MACROH2A2: variants seen among roughly 807,000 people sequenced by gnomAD.
MACROH2A2 encodes macroH2A.2 histone, also known as core histone macro-H2A.2.
A neutral mutation model predicts 37.6 loss-of-function variants in MACROH2A2; 6 were observed. The ratio of observed to expected loss-of-function variants is 0.16; its 90% CI spans 0.09 to 0.32. MACROH2A2 has a LOEUF of 0.32. Ranked by LOEUF, MACROH2A2 falls within the 10% of genes least tolerant of loss-of-function variation. MACROH2A2 has a pLI of 1.00. For synonymous variants in MACROH2A2, 192 were observed against 202.7 expected, an observed-to-expected ratio of 0.95 and a Z score of 0.45; for missense variants, 290 against 485.9, an observed-to-expected ratio of 0.60 and a Z score of 3.79.
In MACROH2A2 at chr10:70,107,333, C is replaced by A. The variant is rs1205654959; in HGVS notation, c.779-1700C>A. 6.6e-6 allele frequency among the ~76,000 whole-genome samples: 1 copy of A among 152,208 alleles called. No homozygotes were observed. The highest frequency in any genetic ancestry group is 1.9e-4 in the East Asian group (1 of 5,192). ...GAAATACTTATATAAACTAGGTGGG[C>A]ATCATAGATTTCCAGTCAGTCTTTC... On this transcript the variant is annotated intron_variant, in intron 7 of 8. Coordinates refer to ENST00000373255, the MANE Select transcript of MACROH2A2 (RefSeq NM_018649.3). This position sits in a 1 kb window ranked among gnomAD's most constrained non-coding sequence, Gnocchi z 4.4.
chr10:70,091,915 G>A lies in MACROH2A2; in HGVS notation c.438G>A (p.Gly146=). 5 of 1,613,950 alleles carry A rather than the reference G, an allele frequency of 3.1e-6. No individual in the cohort carries two copies. Among genetic ancestry groups the A allele is most frequent in the Non-Finnish European group, 4.2e-6 (5 of 1,180,006 alleles). The change falls in exon 4 of 9, where the codon GGG becomes GGA. Residue 146 remains glycine (G), a synonymous_variant. Coordinates refer to ENST00000373255, the MANE Select transcript of MACROH2A2 (RefSeq NM_018649.3). ...GRKATSGKKG[G]KKSKAAKPRT... Reference sequence around the variant, plus strand: ...AGGCCACGTCAGGCAAGAAGGGGGGGAAGAAATCCAAGGCTGCCAAACCAC... The same window carrying A: ...AGGCCACGTCAGGCAAGAAGGGGGGAAAGAAATCCAAGGCTGCCAAACCAC...
Position 70,091,908 on chromosome 10 carries a change from A to G in MACROH2A2, c.431A>G (p.Lys144Arg). ...GGCAGGAAGGCCACGTCAGGCAAGA[A>G]GGGGGGGAAGAAATCCAAGGCTGCC... is the stretch of plus-strand genomic sequence containing the variant. ...KRGRKATSGKKGGKKSKAAKP... is the reference protein window; with the variant it reads ...KRGRKATSGKRGGKKSKAAKP... The change falls in exon 4 of 9, where the codon AAG becomes AGG. Residue 144 changes from lysine to arginine, a missense_variant. Around this residue, in one of 3 missense-constraint regions of MACROH2A2, gnomAD observed 77 missense variants for 68.9 expected, o/e 1.12. Transcript: ENST00000373255. 1 of 1,613,918 alleles carries G rather than the reference A, an allele frequency of 6.2e-7. No homozygotes were observed.
rs1339444262 is a variant in MACROH2A2 at position 70,076,814 on chromosome 10, G to A, written c.172+984G>A. 5.3e-5 allele frequency among the ~76,000 whole-genome samples: 8 copies of A among 152,202 alleles called. No homozygotes were observed. In the East Asian group the frequency reaches 1.4e-3, roughly 26 times the overall value. ...TGTGGCAGGGCTGGTCCTCTCTTCT[G>A]TCCCCAGATTCCTCTTTTCTGCTGG... On this transcript the variant is annotated intron_variant, in intron 2 of 8. Coordinates refer to ENST00000373255, the MANE Select transcript of MACROH2A2 (RefSeq NM_018649.3).
At chr10:70,059,376 CTT>C (rs34193972) in intron 1 of MACROH2A2, among the ~76,000 whole-genome samples, 47 of 143,272 alleles carry the variant, frequency 3.3e-4, no homozygotes, top group Non-Finnish European at 4.1e-4. Flanking sequence ...AGTATAATTT[CTT>C]TTTTTTTTTT....
intron 7 of MACROH2A2, among the ~76,000 whole-genome samples, chr10:70,106,755 A>C (rs922238750): frequency 3.4e-5 from 5 of 147,684 alleles, no homozygotes; most frequent in African/African-American, 1.3e-4. Flanking sequence ...GTGAGCTGTG[A>C]TCGAGCCACT....
intron 2 of MACROH2A2, among the ~76,000 whole-genome samples, chr10:70,084,565 C>G (rs1215268623): frequency 6.6e-6 from 1 of 152,168 alleles, no homozygotes; most frequent in East Asian, 1.9e-4. Flanking sequence ...AAGACTCCGT[C>G]TCTAAATATA....
chr10:70,085,799 T>C (rs144792331), intron 2 of MACROH2A2, among the ~76,000 whole-genome samples: 2 of 152,312 alleles, frequency 1.3e-5, no homozygotes, highest in East Asian at 1.9e-4. Flanking sequence ...ACATTTGCAG[T>C]AGAGTAAATT....
chr10:70,057,719 C>T (rs1156455479), intron 1 of MACROH2A2, among the ~76,000 whole-genome samples: 2 of 152,150 alleles, frequency 1.3e-5, no homozygotes, highest in Non-Finnish European at 2.9e-5. Flanking sequence ...TGTCAGACTG[C>T]ATTTCATGAA....
At chr10:70,109,373 G>A (rs551772763) in intron 8 of MACROH2A2, among the ~76,000 whole-genome samples, 166 bp downstream of exon 8, 6 of 152,352 alleles carry the variant, frequency 3.9e-5, no homozygotes, top group Middle Eastern at 3.4e-3. Context: ...AGAAACCATG[G>A]GGAAGCGAGC....
At chr10:70,059,852 G>A (rs566042282) in intron 1 of MACROH2A2, among the ~76,000 whole-genome samples, 1 of 152,122 alleles carries the variant, frequency 6.6e-6, no homozygotes, top group Non-Finnish European at 1.5e-5. Flanking sequence ...GGATGGTGTG[G>A]TGTGGCCAGT....
At chr10:70,082,542 C>T (rs2072185797) in intron 2 of MACROH2A2, among the ~76,000 whole-genome samples, 1 of 152,156 alleles carries the variant, frequency 6.6e-6, no homozygotes. Flanking sequence ...AACCAAGTGT[C>T]GATCAACAGA....
intron 2 of MACROH2A2, among the ~76,000 whole-genome samples, chr10:70,078,302 T>C (rs2072152993): frequency 6.6e-6 from 1 of 152,210 alleles, no homozygotes; most frequent in African/African-American, 2.4e-5. Context: ...ATGGAGAGGA[T>C]GAGCACCTGC....
chr10:70,066,176 A>T (rs1051916369), intron 1 of MACROH2A2, among the ~76,000 whole-genome samples: 1 of 152,014 alleles, frequency 6.6e-6, no homozygotes, highest in Non-Finnish European at 1.5e-5. Flanking sequence ...CCATCTCTAC[A>T]AAAAAATCAG....
chr10:70,079,565 G>GCGCGCACACACACACACA, intron 2 of MACROH2A2, among the ~76,000 whole-genome samples: 2 of 126,264 alleles, frequency 1.6e-5, no homozygotes, highest in South Asian at 5.5e-4. Flanking sequence ...GCGCGCGCGC[G>GCGCGCACACACACACACA]CACACACACA....
intron 1 of MACROH2A2, among the ~76,000 whole-genome samples, chr10:70,055,299 A>G (rs906650427): frequency 2.6e-5 from 4 of 152,258 alleles, no homozygotes; most frequent in East Asian, 1.9e-4. Context: ...ATAACCTCCA[A>G]GTTAGATGCA....
At chr10:70,093,662 G>C (rs1252059105) in intron 4 of MACROH2A2, 73 bp from the exon 5 acceptor site, 2 of 766,844 alleles carry the variant, frequency 2.6e-6, no homozygotes, top group East Asian at 2.5e-5. Context: ...GCAGCCGTGA[G>C]AAGAGCTTAA....
intron 1 of MACROH2A2, among the ~76,000 whole-genome samples, chr10:70,065,161 C>G (rs2072072231): frequency 6.6e-6 from 1 of 152,038 alleles, no homozygotes; most frequent in African/African-American, 2.4e-5. Flanking sequence ...ATTCTCCTGC[C>G]TCAGCCTCTC....
At chr10:70,061,468 A>G (rs920051521) in intron 1 of MACROH2A2, among the ~76,000 whole-genome samples, 1 of 152,256 alleles carries the variant, frequency 6.6e-6, no homozygotes, top group Non-Finnish European at 1.5e-5. Context: ...GCTACATTAT[A>G]GATCAACAAC....
At chr10:70,054,919 C>A (rs2136612166) in intron 1 of MACROH2A2, among the ~76,000 whole-genome samples, 1 of 152,286 alleles carries the variant, frequency 6.6e-6, no homozygotes, top group East Asian at 1.9e-4. Flanking sequence ...TACACCTCAC[C>A]TGGATCCATT....
Sources: gnomAD v4.1 joint callset for allele counts (sites outside exome capture counted in the v4.1 genomes callset) on GRCh38, gnomAD v4.1.1 for gene constraint, gnomAD v4.1.1 regional missense constraint, Gnocchi (gnomAD v3.1) non-coding constraint, MANE v1.5 for transcripts, NCBI Gene and HGNC (gene_info 2026-07-23, HGNC 2026-07-21) for gene names.